Variants in ADAMTSL1 observed in about 807,000 individuals in gnomAD.
ADAMTSL1 encodes the protein ADAMTS-like protein 1.
A neutral mutation model predicts 201.8 loss-of-function variants in ADAMTSL1; 126 were observed. That is an observed-to-expected ratio of 0.62 (90% CI 0.54 to 0.72). The LOEUF (loss-of-function observed/expected upper bound fraction) is 0.72, where lower values mean the gene tolerates loss of function less well. ADAMTSL1 is among the 30% of genes least tolerant of loss of function. The pLI, the probability that ADAMTSL1 is intolerant of heterozygous loss-of-function variation, is 0.00. For synonymous variants in ADAMTSL1, 1,121 were observed against 903.4 expected, an observed-to-expected ratio of 1.24 and a Z score of -4.32; for missense variants, 2,679 against 2,277.8, an observed-to-expected ratio of 1.18 and a Z score of -3.59.
chr9:18,766,054 CA>C (rs151212972), intron 16 of ADAMTSL1, among the ~76,000 whole-genome samples: 3,289 of 149,938 alleles, frequency 0.022, 42 homozygotes, highest in Non-Finnish European at 0.034. Context: ...AACAAAACAA[CA>C]AAAAAAAAGT....
Position 18,634,691 on chromosome 9 carries a change from A to G in ADAMTSL1, c.602-1252A>G, listed in dbSNP as rs143772964. Among the ~76,000 whole-genome samples, 616 of 151,572 alleles carry G rather than the reference A, an allele frequency of 4.1e-3. 9 individuals are homozygous for G. The highest frequency in any genetic ancestry group is 0.029 in the East Asian group (151 of 5,142). Reference sequence around the variant, plus strand: ...CATCTCAACTAAAAATACAAAAATTAGTCAGGCGTGATGGTGGGCGCCTAT... The same window carrying G: ...CATCTCAACTAAAAATACAAAAATTGGTCAGGCGTGATGGTGGGCGCCTAT... On this transcript the variant is annotated intron_variant, in intron 5 of 28. Transcript: ENST00000380548.
intron 1 of ADAMTSL1, among the ~76,000 whole-genome samples, chr9:17,960,698 A>C (rs1563920465): frequency 2.0e-5 from 3 of 152,156 alleles, no homozygotes; most frequent in African/African-American, 7.2e-5. Flanking sequence ...TTTTCTCACT[A>C]TTCCTGTATT....
intron 2 of ADAMTSL1, among the ~76,000 whole-genome samples, chr9:18,308,453 A>G (rs1833992483): frequency 6.6e-6 from 1 of 152,148 alleles, no homozygotes; most frequent in South Asian, 2.1e-4. Flanking sequence ...CCAGACTACT[A>G]AAGGAGAAAA....
At chr9:18,259,357 C>T (rs551198018) in intron 2 of ADAMTSL1, among the ~76,000 whole-genome samples, 48 of 152,136 alleles carry the variant, frequency 3.2e-4, no homozygotes, top group African/African-American at 1.0e-3. Flanking sequence ...AAACCCGTCT[C>T]TACAAAAAGT....
intron 1 of ADAMTSL1, among the ~76,000 whole-genome samples, chr9:18,049,768 C>T (rs1056910229): frequency 5.9e-5 from 9 of 152,102 alleles, no homozygotes; most frequent in South Asian, 2.1e-4. Flanking sequence ...GGACTACAGG[C>T]GCCCACCACT....
chr9:18,220,222 T>C (rs1830205007), intron 2 of ADAMTSL1, among the ~76,000 whole-genome samples: 1 of 152,140 alleles, frequency 6.6e-6, no homozygotes, highest in Non-Finnish European at 1.5e-5. Context: ...TTTTCCATTA[T>C]GATGGTGAAT....
At chr9:18,274,215 C>T (rs1007694539) in intron 2 of ADAMTSL1, among the ~76,000 whole-genome samples, 4 of 152,162 alleles carry the variant, frequency 2.6e-5, no homozygotes, top group Admixed American at 1.3e-4. Flanking sequence ...TTATCCCTAT[C>T]GCTACGCATG....
chr9:18,671,395 T>C (rs1359993100), intron 9 of ADAMTSL1, among the ~76,000 whole-genome samples: 1 of 152,182 alleles, frequency 6.6e-6, no homozygotes, highest in African/African-American at 2.4e-5. Context: ...GCTGGATTGA[T>C]TTGTTACGAG....
At chr9:18,181,614 G>A (rs201262242) in intron 2 of ADAMTSL1, among the ~76,000 whole-genome samples, 2,058 of 152,106 alleles carry the variant, frequency 0.014, 59 homozygotes, top group African/African-American at 0.046. Context: ...TTAGAATGGC[G>A]ATCATTAAAA....
chr9:18,530,330 A>G (rs1461910590), intron 2 of ADAMTSL1, among the ~76,000 whole-genome samples: 3 of 152,140 alleles, frequency 2.0e-5, no homozygotes, highest in African/African-American at 7.2e-5. Flanking sequence ...TCATGGATAT[A>G]AGGTTAGGTA....
chr9:18,186,855 A>G (rs964475059), intron 2 of ADAMTSL1, among the ~76,000 whole-genome samples: 8 of 151,864 alleles, frequency 5.3e-5, no homozygotes, highest in Admixed American at 4.6e-4. Context: ...ACACACACAC[A>G]CACACATGCA....
intron 2 of ADAMTSL1, among the ~76,000 whole-genome samples, chr9:18,336,007 T>A (rs1400178771): frequency 6.6e-6 from 1 of 152,114 alleles, no homozygotes; most frequent in African/African-American, 2.4e-5. Context: ...TTGAATCAAG[T>A]CTCTTTAAGG....
intron 23 of ADAMTSL1, among the ~76,000 whole-genome samples, chr9:18,855,341 G>A (rs1381871179): frequency 6.6e-6 from 1 of 152,152 alleles, no homozygotes; most frequent in Non-Finnish European, 1.5e-5. Flanking sequence ...CTGTGCTAGG[G>A]TTATAGGTAA....
At chr9:18,512,700 A>G (rs564558830) in intron 2 of ADAMTSL1, among the ~76,000 whole-genome samples, 1 of 152,322 alleles carries the variant, frequency 6.6e-6, no homozygotes, top group African/African-American at 2.4e-5. Context: ...AGTTCTATAA[A>G]TAATACATCT....
intron 2 of ADAMTSL1, among the ~76,000 whole-genome samples, chr9:18,451,463 G>A (rs1364623478): frequency 6.6e-6 from 1 of 152,190 alleles, no homozygotes; most frequent in Non-Finnish European, 1.5e-5. Flanking sequence ...CATGTGAATG[G>A]ACAGAAGAGA....
intron 22 of ADAMTSL1, among the ~76,000 whole-genome samples, chr9:18,828,474 T>C (rs933631563): frequency 2.6e-5 from 4 of 151,248 alleles, no homozygotes; most frequent in Non-Finnish European, 5.9e-5. Context: ...CCTAAAATCA[T>C]GGTATTCCAG....
At chr9:18,369,388 C>T (rs1836937876) in intron 2 of ADAMTSL1, among the ~76,000 whole-genome samples, 1 of 152,114 alleles carries the variant, frequency 6.6e-6, no homozygotes, top group Non-Finnish European at 1.5e-5. Flanking sequence ...TGTTCAATAT[C>T]ACTAATCATC....
At chr9:18,597,967 T>A (rs1280353307) in intron 4 of ADAMTSL1, among the ~76,000 whole-genome samples, 1 of 152,138 alleles carries the variant, frequency 6.6e-6, no homozygotes, top group Non-Finnish European at 1.5e-5. Flanking sequence ...ATTGCCTCTT[T>A]GGTTAGACTG....
At chr9:18,820,382 T>A (rs1451593136) in intron 21 of ADAMTSL1, among the ~76,000 whole-genome samples, 3 of 152,170 alleles carry the variant, frequency 2.0e-5, no homozygotes, top group African/African-American at 7.2e-5. Context: ...TTATAAAATA[T>A]TAGAGTATTA....
Sources: allele counts gnomAD v4.1 joint callset (sites outside exome capture counted in the v4.1 genomes callset), GRCh38; gene constraint gnomAD v4.1.1; transcripts MANE v1.5; gene names NCBI Gene and HGNC (gene_info 2026-07-23, HGNC 2026-07-21).